The following CRB2 variants were observed in gnomAD, a reference collection of about 807,000 sequenced individuals.
CRB2 encodes the protein protein crumbs homolog 2.
In CRB2, 85 loss-of-function variants were observed where a neutral mutation model predicts 110.9. The ratio of observed to expected loss-of-function variants is 0.77; its 90% CI spans 0.64 to 0.92. The LOEUF (loss-of-function observed/expected upper bound fraction) is 0.92, where lower values mean the gene tolerates loss of function less well. Among genes scored for constraint, CRB2 ranks in the 40% least tolerant of loss-of-function variants. The pLI is 0.00. For synonymous variants in CRB2, 907 were observed against 831.0 expected (o/e 1.09, Z -1.57); for missense variants, 1,843 against 1,851.3 (o/e 1.00, Z 0.08).
At position 123,371,357 on chromosome 9, in the gene CRB2, C is replaced by G. The variant is rs1362142846; in HGVS notation, c.2215C>G (p.Gln739Glu). 2 of 1,604,194 alleles carry G rather than the reference C, an allele frequency of 1.2e-6. No individual in the cohort carries two copies. Among genetic ancestry groups the G allele is most frequent in the Non-Finnish European group, 1.7e-6 (2 of 1,174,730 alleles). The stretch of plus-strand genomic sequence containing the variant: ...GCTCAGCTTCGGGCCTGACCAGCTG[C>G]AGGACCTGGGGCAGCACGTGCACGT... ...VMLSFGPDQL[Q>E]DLGQHVHVGG... The change falls in exon 8 of 13, where the codon CAG becomes GAG. Residue 739 changes from glutamine to glutamate, a missense_variant. Physicochemically the swap from Gln to Glu is conservative, Grantham distance 29. Coordinates refer to ENST00000373631, the MANE Select transcript of CRB2 (RefSeq NM_173689.7).
chr9:123,357,135 C>T (rs1055792920), intron 1 of CRB2, among the ~76,000 whole-genome samples: 6 of 152,172 alleles, frequency 3.9e-5, no homozygotes, highest in Admixed American at 2.0e-4. Flanking sequence ...GTGTCCCCTG[C>T]TGCCCCCTCC....
At position 123,358,856 on chromosome 9, in the gene CRB2, TCCCCACCCC is replaced by T. The variant is rs558705850; in HGVS notation, c.94+2503_94+2511del. Among the ~76,000 whole-genome samples the T allele has an allele frequency of 4.7e-3, 712 of 152,346 alleles. 12 individuals are homozygous for T. The highest frequency in any genetic ancestry group is 7.0e-3 in the Non-Finnish European group (479 of 68,028). On this transcript the variant is annotated intron_variant, in intron 1 of 12. Coordinates refer to ENST00000373631, the MANE Select transcript of CRB2 (RefSeq NM_173689.7). Reference sequence around the variant, plus strand: ...ATTGGAAGAGAATGCAGTGAGCGGTTCCCCACCCCAGGTTTTGGCATGGAACCCCCAATT... The same window carrying T: ...ATTGGAAGAGAATGCAGTGAGCGGTTAGGTTTTGGCATGGAACCCCCAATT...
rs2132756122 is a variant in CRB2, at chr9:123,366,112, G to A, written c.614G>A (p.Gly205Glu). ...GGCACGTGCCACGACCTGGTCAACG[G>A]GTGAGCGAGCGGCGGGGCAGGCGGC... is the stretch of plus-strand genomic sequence containing the variant. ...HGGTCHDLVN[G>E]FRCDCAGTGY... The change falls in exon 3 of 13, where the codon GGG becomes GAG. Residue 205 changes from glycine (G) to glutamate (E), a missense_variant and splice_region_variant. Physicochemically the swap from Gly to Glu is moderately conservative, Grantham distance 98. Coordinates refer to ENST00000373631, the MANE Select transcript of CRB2 (RefSeq NM_173689.7). 8.2e-6 allele frequency: 12 copies of A among 1,455,692 alleles called. No individual in the cohort carries two copies. The highest frequency in any genetic ancestry group is 1.1e-5 in the Non-Finnish European group (12 of 1,110,912). The allele number at this position is 1,455,692 out of a possible 1,614,324, so 90.2% of individuals were successfully genotyped here.
chr9:123,375,360 GT>G lies in CRB2; in HGVS notation c.3633+18del, dbSNP rs1588221234. On this transcript the variant is annotated intron_variant, in intron 12 of 12. Coordinates refer to ENST00000373631, the MANE Select transcript of CRB2 (RefSeq NM_173689.7). ...GAAGTGGCGGTGAGTGTTGTCAGGG[GT>G]GAGGGGCCGTGGACGTGGCCTGCTG... 5 of 1,566,998 alleles carry G rather than the reference GT, an allele frequency of 3.2e-6. No homozygotes were observed. Among genetic ancestry groups the G allele is most frequent in the African/African-American group, 1.3e-5 (1 of 74,224 alleles).
chr9:123,372,553 G>C (rs946134004), intron 9 of CRB2, among the ~76,000 whole-genome samples: 2 of 152,266 alleles, frequency 1.3e-5, no homozygotes, highest in Admixed American at 6.5e-5. Context: ...GAGAGCCACA[G>C]GGGGAAGGAT....
chr9:123,362,136 C>T (rs990493031), intron 1 of CRB2, among the ~76,000 whole-genome samples: 3 of 152,112 alleles, frequency 2.0e-5, no homozygotes, highest in African/African-American at 7.2e-5. Context: ...AGTTCCTAGG[C>T]CAGTGGCTGG....
intron 6 of CRB2, among the ~76,000 whole-genome samples, chr9:123,369,500 T>G (rs80353589): frequency 0.018 from 2,773 of 151,412 alleles, 43 homozygotes; most frequent in African/African-American, 0.041. Flanking sequence ...GCAGGATGAG[T>G]AGGAGTTTGA....
chr9:123,371,291 C>G lies in CRB2; in HGVS notation c.2149C>G (p.Leu717Val). Reference sequence around the variant, plus strand: ...GGTGCCGGGCAGTCCTGCTGTAGTGCTCCCTGGGCGCTGGGATGATGGGCT... The same window carrying G: ...GGTGCCGGGCAGTCCTGCTGTAGTGGTCCCTGGGCGCTGGGATGATGGGCT... ...AEVPGSPAVV[L>V]PGRWDDGLRH... The change falls in exon 8 of 13, where the codon CTC becomes GTC. Residue 717 changes from leucine to valine, a missense_variant. Transcript: ENST00000373631. The G allele has an allele frequency of 6.2e-7, 1 of 1,613,398 alleles. No individual in the cohort carries two copies. The highest frequency in any genetic ancestry group is 2.2e-5 in the East Asian group (1 of 44,880).
chr9:123,371,068 A>G lies in CRB2; in HGVS notation c.1928-2A>G, dbSNP rs747351058. 6.2e-7 allele frequency: 1 copy of G among 1,611,196 alleles called. No individual in the cohort carries two copies. Among genetic ancestry groups the G allele is most frequent in the East Asian group, 2.2e-5 (1 of 44,850 alleles). ...CACACCTGGCACCTTCTCTCCCTGC[A>G]GAGATTCCTGCTGCCACCTTTGGCT... is the stretch of plus-strand genomic sequence containing the variant. On this transcript the variant is annotated splice_acceptor_variant, in intron 7 of 12. Transcript: ENST00000373631. LOFTEE classifies it high-confidence loss of function.
rs918710223 is a variant in CRB2, at chr9:123,358,975, C to G, written c.94+2621C>G. Among the ~76,000 whole-genome samples the G allele has an allele frequency of 1.2e-3, 186 of 152,020 alleles. 2 individuals are homozygous for G. Among genetic ancestry groups the G allele is most frequent in the Admixed American group, 0.012 (182 of 15,282 alleles). ...CCTGTTTGGGTGGCAGGTGGGGAAC[C>G]CCACCTGCTCTGTCTCCCCCTCACT... On this transcript the variant is annotated intron_variant, in intron 1 of 12. Coordinates refer to ENST00000373631, the MANE Select transcript of CRB2 (RefSeq NM_173689.7).
chr9:123,379,020 C>T (rs1316932617), downstream of CRB2, among the ~76,000 whole-genome samples: 3 of 151,674 alleles, frequency 2.0e-5, no homozygotes, highest in East Asian at 1.9e-4. Context: ...AACTCCTGAC[C>T]GACCTCGTGA....
At chr9:123,361,604 C>T (rs1158190527) in intron 1 of CRB2, among the ~76,000 whole-genome samples, 1 of 21,312 alleles carries the variant, frequency 4.7e-5, no homozygotes, top group Non-Finnish European at 8.7e-5. Context: ...TTGGGAGCTC[C>T]GGATGGGGGT....
In CRB2 at chr9:123,366,301, C is replaced by A; in HGVS notation, c.689C>A (p.Ala230Glu). ...CEREVLECASAPCEHNASCLE... is the reference protein window; with the variant it reads ...CEREVLECASEPCEHNASCLE... ...CGGGAGGTGCTGGAGTGCGCATCGG[C>A]GCCCTGCGAGCACAACGCGTCCTGC... The change falls in exon 4 of 13, where the codon GCG becomes GAG. Residue 230 changes from alanine (A) to glutamate (E), a missense_variant. Coordinates refer to ENST00000373631, the MANE Select transcript of CRB2 (RefSeq NM_173689.7). The A allele has an allele frequency of 6.6e-7, 1 of 1,525,068 alleles. No individual in the cohort carries two copies. Among genetic ancestry groups the A allele is most frequent in the Non-Finnish European group, 8.7e-7 (1 of 1,149,284 alleles). The allele number at this position is 1,525,068 out of a possible 1,614,324, so 94.5% of individuals were successfully genotyped here.
In CRB2 at chr9:123,370,775, G is replaced by T. The variant is rs778664836; in HGVS notation, c.1722G>T (p.Ala574=). ...AGISSAQLGD[A]TFAGCLQDVR... ...TCTCCTCTGCCCAGCTGGGGGACGC[G>T]ACCTTTGCAGGCTGCCTCCAGGACG... Residue 574 remains alanine (A), a synonymous_variant, in exon 7 of 13, where the codon GCG becomes GCT. Transcript: ENST00000373631. The T allele has an allele frequency of 1.2e-6, 2 of 1,602,604 alleles. No individual in the cohort carries two copies. The highest frequency in any genetic ancestry group is 8.5e-7 in the Non-Finnish European group (1 of 1,179,924).
At position 123,378,678 on chromosome 9, in the gene CRB2, T is replaced by TA. The variant is rs2042144906; in HGVS notation, c.*1617dup. ...TGGTTCCAGGGTCAGTTTACTAAGT[T>TA]AGAGATTTGGAAAACCTGTGTCAGC... On this transcript the variant is annotated 3_prime_UTR_variant, in exon 13 of 13. Transcript: ENST00000373631. The TA allele has an allele frequency of 6.6e-6, 1 of 152,080 alleles. No homozygotes were observed. The allele number at this position is 152,080 out of a possible 1,614,324, so 9.4% of individuals were successfully genotyped here.
Position 123,363,174 on chromosome 9 carries a change from C to T in CRB2, c.404C>T (p.Pro135Leu), listed in dbSNP as rs2041889270. 6.2e-7 allele frequency: 1 copy of T among 1,604,952 alleles called. No individual in the cohort carries two copies. The highest frequency in any genetic ancestry group is 8.5e-7 in the Non-Finnish European group (1 of 1,175,528). Reference protein sequence around the residue: ...NLADRYECHCPLGYAGVTCEM... With the variant: ...NLADRYECHCLLGYAGVTCEM... The stretch of plus-strand genomic sequence containing the variant: ...GCCGATCGCTACGAGTGCCATTGCC[C>T]CCTTGGCTATGCAGGTAACAGCCTG... Residue 135 changes from proline to leucine, a missense_variant, in exon 2 of 13, where the codon CCC becomes CTC. By Grantham distance (98) the Pro-to-Leu change is moderately conservative. Transcript: ENST00000373631.
downstream of CRB2, among the ~76,000 whole-genome samples, chr9:123,379,003 G>A (rs2042157255): frequency 6.6e-6 from 1 of 151,592 alleles, no homozygotes. Flanking sequence ...TGGCCAGGCT[G>A]GTCTTGAACT....
Position 123,373,908 on chromosome 9 carries a change from G to A in CRB2, c.3377G>A (p.Gly1126Asp), listed in dbSNP as rs914566640. ...FECRCPPGFG[G>D]PRCRLPVPSK... ...TGCCGCTGCCCGCCTGGCTTCGGGG[G>A]CCCGCGCTGCAGGTGGGATGGCTGG... Residue 1126 changes from glycine (G) to aspartate (D), a missense_variant, in exon 10 of 13, where the codon GGC becomes GAC. By Grantham distance (94) the Gly-to-Asp change is moderately conservative. Coordinates refer to ENST00000373631, the MANE Select transcript of CRB2 (RefSeq NM_173689.7). The A allele has an allele frequency of 1.3e-6, 2 of 1,549,064 alleles. No individual in the cohort carries two copies. Among genetic ancestry groups the A allele is most frequent in the African/African-American group, 2.7e-5 (2 of 73,094 alleles).
intron 1 of CRB2, 141 bp from the exon 2 acceptor site, chr9:123,362,724 C>A: frequency 1.3e-6 from 1 of 754,994 alleles, no homozygotes; most frequent in Non-Finnish European, 2.1e-6. Context: ...ACCTGGCTTG[C>A]AGACCCCTGG....
Sources: allele counts gnomAD v4.1 joint callset (sites outside exome capture counted in the v4.1 genomes callset), GRCh38; gene constraint gnomAD v4.1.1; transcripts MANE v1.5; gene names NCBI Gene and HGNC (gene_info 2026-07-23, HGNC 2026-07-21).